DPH6: variants seen among roughly 807,000 people sequenced by gnomAD.
DPH6 encodes diphthamine biosynthesis 6.
DPH6 carries 33 observed loss-of-function variants against 38.2 expected under a neutral mutation model. The ratio of observed to expected loss-of-function variants is 0.86; its 90% CI spans 0.65 to 1.15. The LOEUF is 1.15. DPH6 is among the 50% of genes most tolerant of loss of function. The probability of loss-of-function intolerance (pLI) is 0.00; values close to 1 mark genes in which losing one functional copy is unlikely to be tolerated. For missense variants in DPH6, 325 were observed against 320.0 expected (o/e 1.02, Z -0.12); for synonymous variants, 108 against 103.0 (o/e 1.05, Z -0.30).
At chr15:35,177,600 A>AAAAAAATCATC in the DPH6 span, among the ~76,000 whole-genome samples, 4 of 134,412 alleles carry the variant, frequency 3.0e-5, no homozygotes, top group Non-Finnish European at 4.7e-5. Context: ...AAAAAAAAAA[A>AAAAAAATCATC]ATCATCATCA....
the DPH6 span, among the ~76,000 whole-genome samples, chr15:35,203,583 A>G: frequency 6.6e-6 from 1 of 151,746 alleles, no homozygotes; most frequent in Non-Finnish European, 1.5e-5. Context: ...TTGCAAATTC[A>G]AAACAATATA....
At chr15:35,169,451 C>G in the DPH6 span, among the ~76,000 whole-genome samples, 9 of 152,212 alleles carry the variant, frequency 5.9e-5, no homozygotes, top group African/African-American at 2.2e-4. Flanking sequence ...TTAGTATAGT[C>G]TCTGTTTTTC....
intron 3 of DPH6, among the ~76,000 whole-genome samples, chr15:35,467,471 C>G (rs1382077483): frequency 1.3e-5 from 2 of 152,172 alleles, no homozygotes; most frequent in Non-Finnish European, 2.9e-5. Context: ...GAGGTTGAGG[C>G]AGGAGAATCG....
chr15:35,236,434 C>T (rs1022464158), intron 3 of DPH6, among the ~76,000 whole-genome samples: 2 of 151,906 alleles, frequency 1.3e-5, no homozygotes, highest in African/African-American at 4.8e-5. Flanking sequence ...GTCAGGAGAT[C>T]GAGACCATCC....
the DPH6 span, among the ~76,000 whole-genome samples, chr15:35,189,836 A>T: frequency 6.6e-6 from 1 of 152,166 alleles, no homozygotes; most frequent in African/African-American, 2.4e-5. Flanking sequence ...GCTGCAGGCA[A>T]TTTTAGAGGA....
chr15:35,395,298 A>G (rs1484707884), intron 6 of DPH6, among the ~76,000 whole-genome samples: 1 of 152,190 alleles, frequency 6.6e-6, no homozygotes, highest in Non-Finnish European at 1.5e-5. Flanking sequence ...CCTGTTTCCC[A>G]TAACAGCATC....
the DPH6 span, among the ~76,000 whole-genome samples, chr15:35,152,774 C>T: frequency 6.6e-6 from 1 of 152,204 alleles, no homozygotes; most frequent in Admixed American, 6.5e-5. Flanking sequence ...GCCGGGATTA[C>T]AGGTGTGAGC....
intron 6 of DPH6, among the ~76,000 whole-genome samples, chr15:35,402,453 A>G (rs1161243329): frequency 6.6e-6 from 1 of 152,206 alleles, no homozygotes; most frequent in Non-Finnish European, 1.5e-5. Context: ...ATTATCATGT[A>G]TAATCAATAA....
chr15:35,309,598 A>G (rs926009854), intron 3 of DPH6, among the ~76,000 whole-genome samples: 3 of 152,226 alleles, frequency 2.0e-5, no homozygotes, highest in Non-Finnish European at 4.4e-5. Context: ...TAAGTATTTC[A>G]TGCTGTTTTT....
rs2053715786 is a variant in DPH6, at chr15:35,436,514, C to CAAAAACAA, written c.505+14170_505+14171insTTGTTTTT. 1.2e-4 allele frequency among the ~76,000 whole-genome samples: 15 copies of CAAAAACAA among 123,214 alleles called. 1 individual carries two copies. Among genetic ancestry groups the CAAAAACAA allele is most frequent in the African/African-American group, 3.3e-4 (10 of 30,072 alleles). 80.8% of individuals were successfully genotyped at this position (123,214 alleles called of 152,430 possible). On this transcript the variant is annotated intron_variant, in intron 5 of 8. Transcript: ENST00000256538. ...CAAAACAAAACAAAACAAAACAAAA[C>CAAAAACAA]AAAAAAGGTTCTCTCCCTGTTCGTC...
At chr15:35,259,093 C>T (rs914988238) in intron 3 of DPH6, among the ~76,000 whole-genome samples, 4 of 149,348 alleles carry the variant, frequency 2.7e-5, no homozygotes, top group Non-Finnish European at 4.4e-5. Flanking sequence ...TGCAGTGGGC[C>T]GAGATCGCAC....
intron 3 of DPH6, among the ~76,000 whole-genome samples, chr15:35,225,736 G>T (rs1466470597): frequency 6.6e-6 from 1 of 152,074 alleles, no homozygotes; most frequent in Non-Finnish European, 1.5e-5. Flanking sequence ...TGCTGTCACT[G>T]GTGTGTTACC....
the DPH6 span, among the ~76,000 whole-genome samples, chr15:35,149,396 C>T: frequency 6.6e-6 from 1 of 152,286 alleles, no homozygotes; most frequent in South Asian, 2.1e-4. Flanking sequence ...CACTACTACG[C>T]CCAGCTAATT....
chr15:35,330,336 C>T (rs978058516), downstream of DPH6, among the ~76,000 whole-genome samples: 2 of 151,910 alleles, frequency 1.3e-5, no homozygotes, highest in Non-Finnish European at 2.9e-5. Flanking sequence ...GAAAAAGAAC[C>T]CTGAATAAAC....
At chr15:35,242,411 G>A (rs539884309) in intron 3 of DPH6, among the ~76,000 whole-genome samples, 1 of 142,806 alleles carries the variant, frequency 7.0e-6, no homozygotes, top group East Asian at 2.2e-4. Flanking sequence ...TAGCCCTCAT[G>A]TCTGCCTGCA....
At chr15:35,410,401 T>G (rs1474187192) in intron 6 of DPH6, among the ~76,000 whole-genome samples, 2 of 151,704 alleles carry the variant, frequency 1.3e-5, no homozygotes, top group African/African-American at 4.8e-5. Context: ...TTTGAAATCT[T>G]GGGATAACTT....
exon 4 of DPH6, chr15:35,219,960 C>G (rs2051431830): frequency 6.6e-6 from 1 of 152,044 alleles, no homozygotes; most frequent in Non-Finnish European, 1.5e-5. Flanking sequence ...ATGAGAAATC[C>G]ATAATGGAAT....
intron 3 of DPH6, among the ~76,000 whole-genome samples, chr15:35,363,164 G>A (rs2052628001): frequency 6.6e-6 from 1 of 152,008 alleles, no homozygotes; most frequent in Non-Finnish European, 1.5e-5. Context: ...TTTGCTAATT[G>A]TGTTATTTTA....
At chr15:35,149,233 C>T in the DPH6 span, among the ~76,000 whole-genome samples, 2 of 152,004 alleles carry the variant, frequency 1.3e-5, no homozygotes, top group Non-Finnish European at 2.9e-5. Flanking sequence ...TGTCACTAGT[C>T]TTTGTTTGTT....
Sources: allele counts gnomAD v4.1 joint callset (sites outside exome capture counted in the v4.1 genomes callset), GRCh38; gene constraint gnomAD v4.1.1; transcripts MANE v1.5; gene names NCBI Gene and HGNC (gene_info 2026-07-23, HGNC 2026-07-21).